FAM111B: variants seen among roughly 807,000 people sequenced by gnomAD.
The protein encoded by FAM111B is FAM111 trypsin like peptidase B.
A neutral mutation model predicts 2.8 loss-of-function variants in FAM111B; 1 was observed. That is an observed-to-expected ratio of 0.36 (90% CI 0.13 to 1.70). FAM111B has a LOEUF of 1.70. FAM111B is among the 40% of genes most tolerant of loss of function. FAM111B has a pLI of 0.35. For missense variants in FAM111B, 882 were observed against 878.9 expected (o/e 1.00, Z -0.04); for synonymous variants, 297 against 295.6 (o/e 1.00, Z -0.05).
chr11:59,113,805 T>C (rs892312221), intron 3 of FAM111B, among the ~76,000 whole-genome samples: 4 of 152,198 alleles, frequency 2.6e-5, no homozygotes, highest in Admixed American at 2.6e-4. Context: ...ACACATCTTA[T>C]GGGAGTCTCA....
chr11:59,109,552 G>A lies in FAM111B; in HGVS notation c.-74G>A, dbSNP rs1164951376. ...TTGGTTTTTTTAGACATTTCAGGTGGCAGAATAAATTCAATCCTTGTTTCT... is the reference window on the plus strand; with the variant it reads ...TTGGTTTTTTTAGACATTTCAGGTGACAGAATAAATTCAATCCTTGTTTCT... On this transcript the variant is annotated 5_prime_UTR_variant, in exon 3 of 4. Transcript: ENST00000343597. The A allele has an allele frequency of 2.2e-5, 23 of 1,061,000 alleles. No homozygotes were observed. In the South Asian group the frequency reaches 2.6e-4, roughly 12 times the overall value. The allele number at this position is 1,061,000 out of a possible 1,614,324, so 65.7% of individuals were successfully genotyped here.
Position 59,125,311 on chromosome 11 carries a change from T to G in FAM111B, c.1214T>G (p.Phe405Cys). The G allele has an allele frequency of 6.2e-7, 1 of 1,613,946 alleles. No homozygotes were observed. The change falls in exon 4 of 4, where the codon TTT becomes TGT. Residue 405 changes from phenylalanine to cysteine, a missense_variant. Phe to Cys is a radical substitution (Grantham distance 205). Coordinates refer to ENST00000343597, the MANE Select transcript of FAM111B (RefSeq NM_198947.4). Reference sequence around the variant, plus strand: ...GCCATAATGCATCAGTATCCGAATTTTAAAGAGGAGGCACAGTGGGTAAGA... The same window carrying G: ...GCCATAATGCATCAGTATCCGAATTGTAAAGAGGAGGCACAGTGGGTAAGA... ...NEAIMHQYPN[F>C]KEEAQWVRKY...
At chr11:59,113,595 T>C (rs559099077) in intron 3 of FAM111B, among the ~76,000 whole-genome samples, 56 of 152,278 alleles carry the variant, frequency 3.7e-4, no homozygotes, top group African/African-American at 1.3e-3. Context: ...AAACCCTTGC[T>C]TCCTCCACCC....
intron 3 of FAM111B, among the ~76,000 whole-genome samples, chr11:59,111,609 T>A (rs1473326770): frequency 6.6e-6 from 1 of 152,136 alleles, no homozygotes; most frequent in African/African-American, 2.4e-5. Context: ...AATCAAATAA[T>A]GAAAAAGGTC....
rs1378410680 is a variant in FAM111B, at chr11:59,109,530, G to GT, written c.-86-3dup. ...TTATTTCATAGATCTTGTTTTTTTGGTTTTTTTAGACATTTCAGGTGGCAG... is the reference window on the plus strand; with the variant it reads ...TTATTTCATAGATCTTGTTTTTTTGGTTTTTTTTAGACATTTCAGGTGGCAG... On this transcript the variant is annotated splice_polypyrimidine_tract_variant and intron_variant, in intron 2 of 3. Transcript: ENST00000343597. 25 of 846,958 alleles carry GT rather than the reference G, an allele frequency of 3.0e-5. No homozygotes were observed. Among genetic ancestry groups the GT allele is most frequent in the South Asian group, 1.6e-4 (8 of 50,164 alleles). The allele number at this position is 846,958 out of a possible 1,614,324, so 52.5% of individuals were successfully genotyped here.
intron 1 of FAM111B, among the ~76,000 whole-genome samples, chr11:59,107,968 C>A (rs765538961): frequency 9.9e-5 from 15 of 152,196 alleles, no homozygotes; most frequent in South Asian, 6.3e-4. Context: ...AGGTTACCTT[C>A]ATAGGTTCTG....
In FAM111B at chr11:59,125,805, T is replaced by A. The variant is rs772126384; in HGVS notation, c.1708T>A (p.Ser570Thr). The change falls in exon 4 of 4, where the codon TCT becomes ACT. Residue 570 changes from serine to threonine, a missense_variant. Ser to Thr is a moderately conservative substitution (Grantham distance 58). Transcript: ENST00000343597. ...GLWRQISPQP[S>T]TGLIYLIGHP... ...ATGGCGACAGATTTCTCCTCAACCATCTACTGGTTTGATTTATTTAATTGG... is the reference window on the plus strand; with the variant it reads ...ATGGCGACAGATTTCTCCTCAACCAACTACTGGTTTGATTTATTTAATTGG... 2 of 1,613,880 alleles carry A rather than the reference T, an allele frequency of 1.2e-6. No individual in the cohort carries two copies. The highest frequency in any genetic ancestry group is 2.2e-5 in the South Asian group (2 of 91,080).
In FAM111B at chr11:59,125,300, G is replaced by A; in HGVS notation, c.1203G>A (p.Gln401=). The A allele has an allele frequency of 6.2e-7, 1 of 1,613,964 alleles. No homozygotes were observed. Among genetic ancestry groups the A allele is most frequent in the Non-Finnish European group, 8.5e-7 (1 of 1,179,870 alleles). ...CGTTGAATGAAGCCATAATGCATCA[G>A]TATCCGAATTTTAAAGAGGAGGCAC... ...YQTLNEAIMH[Q]YPNFKEEAQW... The change falls in exon 4 of 4, where the codon CAG becomes CAA. Residue 401 remains glutamine (Q), a synonymous_variant. Transcript: ENST00000343597.
chr11:59,125,015 C>T lies in FAM111B; in HGVS notation c.918C>T (p.His306=). ...QSLIQSKKKV[H]KPKKDGETKD... ...TGATACAGTCTAAGAAAAAAGTCCACAAACCAAAGAAAGATGGAGAGACCA... is the reference window on the plus strand; with the variant it reads ...TGATACAGTCTAAGAAAAAAGTCCATAAACCAAAGAAAGATGGAGAGACCA... Residue 306 remains histidine, a synonymous_variant, in exon 4 of 4, where the codon CAC becomes CAT. Coordinates refer to ENST00000343597, the MANE Select transcript of FAM111B (RefSeq NM_198947.4). 1 of 1,612,640 alleles carries T rather than the reference C, an allele frequency of 6.2e-7. No homozygotes were observed. The highest frequency in any genetic ancestry group is 8.5e-7 in the Non-Finnish European group (1 of 1,179,650).
chr11:59,109,124 A>T (rs376391188), intron 2 of FAM111B, among the ~76,000 whole-genome samples: 22 of 152,192 alleles, frequency 1.4e-4, no homozygotes, highest in African/African-American at 5.1e-4. Context: ...GTCCTGTATG[A>T]GCCTCAGAAA....
At chr11:59,116,844 C>T (rs1323213136) in intron 3 of FAM111B, among the ~76,000 whole-genome samples, 2 of 152,216 alleles carry the variant, frequency 1.3e-5, no homozygotes, top group Non-Finnish European at 2.9e-5. Flanking sequence ...AGAACTCAGA[C>T]CCAGACTGGG....
Position 59,120,662 on chromosome 11 carries a change from G to A in FAM111B, c.82-3517G>A, listed in dbSNP as rs72919135. Among the ~76,000 whole-genome samples, 573 of 152,212 alleles carry A rather than the reference G, an allele frequency of 3.8e-3. 2 individuals are homozygous for A. Among genetic ancestry groups the A allele is most frequent in the Non-Finnish European group, 6.7e-3 (456 of 68,002 alleles). The stretch of plus-strand genomic sequence containing the variant: ...TGTAGTTGGCCATGTTTTTCCTATG[G>A]CTGTTTACCTCATCTTCCCTCTGTG... On this transcript the variant is annotated intron_variant, in intron 3 of 3. Coordinates refer to ENST00000343597, the MANE Select transcript of FAM111B (RefSeq NM_198947.4).
intron 3 of FAM111B, among the ~76,000 whole-genome samples, chr11:59,118,649 T>G (rs60519524): frequency 0.054 from 8,265 of 152,228 alleles, 564 homozygotes; most frequent in East Asian, 0.2. Flanking sequence ...TCTTGGGAAT[T>G]CATTCAATCC....
intron 2 of FAM111B, among the ~76,000 whole-genome samples, chr11:59,109,196 C>G (rs1463150360): frequency 6.6e-6 from 1 of 152,184 alleles, no homozygotes; most frequent in African/African-American, 2.4e-5. Flanking sequence ...TTTCGTTCCA[C>G]TCATGCATTG....
rs1294507285 is a variant in FAM111B at position 59,124,621 on chromosome 11, A to G, written c.524A>G (p.Gln175Arg). The change falls in exon 4 of 4, where the codon CAA becomes CGA. Residue 175 changes from glutamine (Q) to arginine (R), a missense_variant. Physicochemically the swap from Gln to Arg is conservative, Grantham distance 43 (BLOSUM62 1). Transcript: ENST00000343597. ...SSKEDGHILRQCENPNMECIL... is the reference protein window; with the variant it reads ...SSKEDGHILRRCENPNMECIL... ...AAAGAAGATGGACACATATTACGCCAATGTGAAAATCCAAACATGGAATGC... is the reference window on the plus strand; with the variant it reads ...AAAGAAGATGGACACATATTACGCCGATGTGAAAATCCAAACATGGAATGC... 1 of 1,613,944 alleles carries G rather than the reference A, an allele frequency of 6.2e-7. No individual in the cohort carries two copies. Among genetic ancestry groups the G allele is most frequent in the Non-Finnish European group, 8.5e-7 (1 of 1,179,846 alleles).
rs756293996 is a variant in FAM111B, at chr11:59,126,233, C to G, written c.2136C>G (p.Thr712=). The change falls in exon 4 of 4, where the codon ACC becomes ACG. Residue 712 remains threonine (T), a synonymous_variant. Transcript: ENST00000343597. ...YKSLNDEKLE[T]YDEEKGKQES... is the part of the protein sequence containing the mutation. ...CATTAAATGATGAGAAACTTGAGAC[C>G]TACGATGAAGAGAAAGGTAAACAAG... The G allele has an allele frequency of 6.3e-7, 1 of 1,599,814 alleles. No individual in the cohort carries two copies. The highest frequency in any genetic ancestry group is 1.8e-5 in the Admixed American group (1 of 56,818).
In FAM111B at chr11:59,125,358, AAG is replaced by A. The variant is rs1427052146; in HGVS notation, c.1265_1266del (p.Arg422AsnfsTer7). 1 of 1,613,884 alleles carries A rather than the reference AAG, an allele frequency of 6.2e-7. No individual in the cohort carries two copies. The highest frequency in any genetic ancestry group is 1.3e-5 in the African/African-American group (1 of 74,932). On this transcript the variant is annotated frameshift_variant, in exon 4 of 4. Transcript: ENST00000343597. LOFTEE classifies it low-confidence loss of function (END_TRUNC). ...WVRKYFREEQ[K>X]RMNLSPAKQF... ...AAGAAAATATTTTCGGGAAGAACAA[AAG>A]AGAATGAATCTTTCACCAGCTAAGC...
In FAM111B at chr11:59,125,022, A is replaced by C. The variant is rs1234012416; in HGVS notation, c.925A>C (p.Lys309Gln). The change falls in exon 4 of 4, where the codon AAG (lysine) becomes CAG (glutamine). Residue 309 changes from lysine (K) to glutamine (Q), a missense_variant. Coordinates refer to ENST00000343597, the MANE Select transcript of FAM111B (RefSeq NM_198947.4). ...GTCTAAGAAAAAAGTCCACAAACCA[A>C]AGAAAGATGGAGAGACCAAAGATGT... ...IQSKKKVHKP[K>Q]KDGETKDVEH... 2 of 1,612,886 alleles carry C rather than the reference A, an allele frequency of 1.2e-6. No individual in the cohort carries two copies. Among genetic ancestry groups the C allele is most frequent in the Non-Finnish European group, 1.7e-6 (2 of 1,179,730 alleles).
At position 59,124,192 on chromosome 11, in the gene FAM111B, A is replaced by G; in HGVS notation, c.95A>G (p.Lys32Arg). The G allele has an allele frequency of 1.2e-6, 2 of 1,609,792 alleles. No homozygotes were observed. The highest frequency in any genetic ancestry group is 1.1e-5 in the South Asian group (1 of 90,598). The change falls in exon 4 of 4, where the codon AAG becomes AGG. Residue 32 changes from lysine (K) to arginine (R), a missense_variant. Lys to Arg is a conservative substitution (Grantham distance 26). Transcript: ENST00000343597. Reference sequence around the variant, plus strand: ...TTCCTTTTTAAGGATACTGTCATGAAGCAGACACATGCTGACACACCTGTT... The same window carrying G: ...TTCCTTTTTAAGGATACTGTCATGAGGCAGACACATGCTGACACACCTGTT... ...RPEVSKDTVM[K>R]QTHADTPVDH...
Sources: allele counts gnomAD v4.1 joint callset (sites outside exome capture counted in the v4.1 genomes callset), GRCh38; gene constraint gnomAD v4.1.1; transcripts MANE v1.5; gene names NCBI Gene and HGNC (gene_info 2026-07-23, HGNC 2026-07-21).